ANXA8: variants seen among roughly 807,000 people sequenced by gnomAD.
The protein encoded by ANXA8 is VAC-beta.
Under a neutral mutation model 26.8 loss-of-function variants are expected in ANXA8, and 9 were observed. The ratio of observed to expected loss-of-function variants is 0.34; its 90% CI spans 0.20 to 0.59. The LOEUF is 0.59. ANXA8 is among the 20% of genes least tolerant of loss of function. The probability of loss-of-function intolerance (pLI) is 0.84; values close to 1 mark genes in which losing one functional copy is unlikely to be tolerated. For synonymous variants in ANXA8, 39 were observed against 94.8 expected (o/e 0.41, Z 3.42); for missense variants, 83 against 238.5 (o/e 0.35, Z 4.29).
the ANXA8 span, among the ~76,000 whole-genome samples, chr10:47,656,990 A>C: frequency 0.011 from 1,642 of 149,982 alleles, 32 homozygotes; most frequent in African/African-American, 0.037. Flanking sequence ...ATTGTTTCAG[A>C]CTATAACTAG....
At chr10:47,497,047 G>A in the ANXA8 span, among the ~76,000 whole-genome samples, 10 of 151,430 alleles carry the variant, frequency 6.6e-5, no homozygotes, top group Non-Finnish European at 1.3e-4. Context: ...CAGGCCAGGC[G>A]CAGTGGCTCA....
the ANXA8 span, among the ~76,000 whole-genome samples, chr10:47,720,255 A>C: frequency 6.9e-6 from 1 of 144,640 alleles, no homozygotes; most frequent in Non-Finnish European, 1.5e-5. Flanking sequence ...TCTTAAAGAT[A>C]GGAATTTCTT....
At chr10:47,979,991 G>T in the ANXA8 span, among the ~76,000 whole-genome samples, 1 of 151,466 alleles carries the variant, frequency 6.6e-6, no homozygotes, top group Non-Finnish European at 1.5e-5. Context: ...ATTTGTTATG[G>T]CAGCAATAGA....
At chr10:47,958,031 A>G in the ANXA8 span, among the ~76,000 whole-genome samples, 4 of 150,542 alleles carry the variant, frequency 2.7e-5, no homozygotes, top group Non-Finnish European at 5.9e-5. Context: ...TAGTCACAGG[A>G]TCCAGGAGTT....
chr10:47,744,422 T>TTGGGGGGGGAGGGGGGAAGGGGGGGG, the ANXA8 span, among the ~76,000 whole-genome samples: 13 of 11,732 alleles, frequency 1.1e-3, 1 homozygote, highest in African/African-American at 1.9e-3. Context: ...GGGGGGGGGG[T>TTGGGGGGGGAGGGGGGAAGGGGGGGG]TGGGGGGGAG....
the ANXA8 span, among the ~76,000 whole-genome samples, chr10:47,673,799 G>C: frequency 3.3e-5 from 5 of 150,842 alleles, no homozygotes; most frequent in East Asian, 9.7e-4. Flanking sequence ...TATTTTTTTA[G>C]TTTTTCCTAT....
At chr10:47,733,266 T>C in the ANXA8 span, among the ~76,000 whole-genome samples, 57 of 112,426 alleles carry the variant, frequency 5.1e-4, no homozygotes, top group African/African-American at 2.0e-3. Flanking sequence ...TTTCTTTCTT[T>C]CTTTCTTTCT....
At chr10:47,743,366 A>ATG in the ANXA8 span, among the ~76,000 whole-genome samples, 6 of 35,746 alleles carry the variant, frequency 1.7e-4, no homozygotes. Flanking sequence ...ACATATATAT[A>ATG]TATACATATA....
the ANXA8 span, among the ~76,000 whole-genome samples, chr10:47,537,502 AT>A: frequency 5.5e-4 from 83 of 149,586 alleles, 2 homozygotes; most frequent in East Asian, 0.01. Context: ...AAAATAATTT[AT>A]TTTCTTAAAA....
chr10:47,637,670 T>C, the ANXA8 span, among the ~76,000 whole-genome samples: 1 of 126,536 alleles, frequency 7.9e-6, no homozygotes, highest in Non-Finnish European at 1.6e-5. Flanking sequence ...AAGACTCTAG[T>C]AGTTGCTGGG....
the ANXA8 span, among the ~76,000 whole-genome samples, chr10:47,717,558 G>A: frequency 3.1e-5 from 4 of 127,650 alleles, no homozygotes; most frequent in South Asian, 6.9e-4. Flanking sequence ...TCATCTTACC[G>A]CCAGCAGAAT....
At chr10:47,668,939 G>A in the ANXA8 span, among the ~76,000 whole-genome samples, 99 of 151,758 alleles carry the variant, frequency 6.5e-4, no homozygotes, top group African/African-American at 2.3e-3. Flanking sequence ...AAGGGAGAGA[G>A]GTCTTTTAAT....
the ANXA8 span, among the ~76,000 whole-genome samples, chr10:47,561,661 T>C: frequency 1.3e-4 from 19 of 151,978 alleles, no homozygotes; most frequent in African/African-American, 3.9e-4. Context: ...AGAGTCAGAA[T>C]ATTCGTATAT....
the ANXA8 span, chr10:47,726,888 A>C: frequency 6.5e-7 from 1 of 1,536,930 alleles, no homozygotes; most frequent in Non-Finnish European, 8.9e-7. Context: ...GTTTACATCC[A>C]TGTAGAATCA....
At chr10:47,975,324 G>T in the ANXA8 span, among the ~76,000 whole-genome samples, 1 of 148,976 alleles carries the variant, frequency 6.7e-6, no homozygotes, top group African/African-American at 2.4e-5. Context: ...GAGGGGTGAG[G>T]TGGCCCATGT....
chr10:47,655,772 GCACTT>G, the ANXA8 span, among the ~76,000 whole-genome samples: 3 of 151,954 alleles, frequency 2.0e-5, no homozygotes, highest in African/African-American at 4.8e-5. Flanking sequence ...TGTAATCCCA[GCACTT>G]TGGGAGGCCG....
chr10:47,519,065 G>A, the ANXA8 span, among the ~76,000 whole-genome samples: 3 of 136,074 alleles, frequency 2.2e-5, no homozygotes, highest in African/African-American at 8.7e-5. Context: ...CCTTAATGTT[G>A]GAGACAGGGC....
At chr10:47,558,407 A>G in the ANXA8 span, among the ~76,000 whole-genome samples, 28,202 of 151,128 alleles carry the variant, frequency 0.19, 2,882 homozygotes, top group East Asian at 0.52. Flanking sequence ...TAGCTTAGCC[A>G]GCCGTGGACT....
At chr10:47,776,648 A>C in the ANXA8 span, among the ~76,000 whole-genome samples, 1 of 151,964 alleles carries the variant, frequency 6.6e-6, no homozygotes, top group African/African-American at 2.4e-5. Context: ...CTTATCCTGA[A>C]CAATCTCTGG....
Sources: allele counts gnomAD v4.1 joint callset (sites outside exome capture counted in the v4.1 genomes callset), GRCh38; gene constraint gnomAD v4.1.1; transcripts MANE v1.5; gene names NCBI Gene and HGNC (gene_info 2026-07-23, HGNC 2026-07-21).